The following TMEM63B variants were observed in gnomAD, a reference collection of about 807,000 sequenced individuals.
The protein encoded by TMEM63B is mechanosensitive cation channel TMEM63B.
Under a neutral mutation model 102.6 loss-of-function variants are expected in TMEM63B, and 23 were observed. The ratio of observed to expected loss-of-function variants is 0.22; its 90% CI spans 0.16 to 0.32. The LOEUF (loss-of-function observed/expected upper bound fraction) is 0.32. Among genes scored for constraint, TMEM63B ranks in the 10% least tolerant of loss-of-function variants. The pLI is 1.00. For synonymous variants in TMEM63B, 444 were observed against 437.0 expected, an observed-to-expected ratio of 1.02 and a Z score of -0.20; for missense variants, 628 against 1,095.9, an observed-to-expected ratio of 0.57 and a Z score of 6.03.
Position 44,152,576 on chromosome 6 carries a change from G to T in TMEM63B, c.1837-17G>T. On this transcript the variant is annotated splice_polypyrimidine_tract_variant and intron_variant, in intron 19 of 23. Coordinates refer to ENST00000323267, the MANE Select transcript of TMEM63B (RefSeq NM_018426.3). This position sits in a 1 kb window ranked among gnomAD's most constrained non-coding sequence, Gnocchi z 6.4. ...CCCTGCCTCCCTGAGCCATCCTCCTGCCCGTCTCCCCCCCAGCATCAGGCC... is the reference window on the plus strand; with the variant it reads ...CCCTGCCTCCCTGAGCCATCCTCCTTCCCGTCTCCCCCCCAGCATCAGGCC... 6.3e-7 allele frequency: 1 copy of T among 1,599,770 alleles called. No homozygotes were observed.
Position 44,152,183 on chromosome 6 carries a change from C to T in TMEM63B, c.1836+175C>T, listed in dbSNP as rs1456549575. Among the ~76,000 whole-genome samples the T allele has an allele frequency of 2.0e-5, 3 of 152,178 alleles. No individual in the cohort carries two copies. In the East Asian group the frequency reaches 5.8e-4, roughly 29 times the overall value. ...CCATATCTGGGGCCTTCGTATTCTGCCATGGGTGGACATAGGTAACCCTGA... is the reference window on the plus strand; with the variant it reads ...CCATATCTGGGGCCTTCGTATTCTGTCATGGGTGGACATAGGTAACCCTGA... On this transcript the variant is annotated intron_variant, in intron 19 of 23. Coordinates refer to ENST00000323267, the MANE Select transcript of TMEM63B (RefSeq NM_018426.3). The surrounding 1 kb of genome is among the most constrained non-coding windows in gnomAD (Gnocchi z 6.4).
At position 44,152,818 on chromosome 6, in the gene TMEM63B, C is replaced by T. The variant is rs1272410012; in HGVS notation, c.1942+120C>T. Reference sequence around the variant, plus strand: ...GGGCCCGGCTGGGAGACCGGCCCCTCGGGGCTCCCGCCCGGTCCCTGGCTC... The same window carrying T: ...GGGCCCGGCTGGGAGACCGGCCCCTTGGGGCTCCCGCCCGGTCCCTGGCTC... On this transcript the variant is annotated intron_variant, in intron 20 of 23. Coordinates refer to ENST00000323267, the MANE Select transcript of TMEM63B (RefSeq NM_018426.3). The surrounding 1 kb of genome is among the most constrained non-coding windows in gnomAD (Gnocchi z 6.4). 4 of 795,072 alleles carry T rather than the reference C, an allele frequency of 5.0e-6. No homozygotes were observed. Among genetic ancestry groups the T allele is most frequent in the East Asian group, 5.3e-5 (2 of 37,440 alleles). 49.3% of individuals were successfully genotyped at this position (795,072 alleles called of 1,614,324 possible).
chr6:44,140,150 G>A lies in TMEM63B; in HGVS notation c.603-102G>A, dbSNP rs544925398. ...TGCCAGAAGGCTGGTGGCAGTAGAG[G>A]GCCCTGTCTGTATCAAGGGTTTAAC... is the stretch of plus-strand genomic sequence containing the variant. On this transcript the variant is annotated intron_variant, in intron 8 of 23. Transcript: ENST00000323267. The A allele has an allele frequency of 3.0e-5, 27 of 895,696 alleles. 2 individuals carry two copies. In the South Asian group the frequency reaches 4.3e-4, roughly 14 times the overall value. 55.5% of individuals were successfully genotyped at this position (895,696 alleles called of 1,614,324 possible). A position where few individuals can be genotyped will look rare whatever the true frequency, so the allele number is the denominator to read the frequency against.
intron 4 of TMEM63B, among the ~76,000 whole-genome samples, chr6:44,136,039 C>G (rs1040664827): frequency 6.6e-6 from 1 of 152,190 alleles, no homozygotes; most frequent in Admixed American, 6.5e-5. Flanking sequence ...CCAGTCAACT[C>G]TGGAACTGCA....
chr6:44,134,917 C>T (rs1476884704), intron 2 of TMEM63B, 100 bp from the exon 3 acceptor site: 1 of 1,510,988 alleles, frequency 6.6e-7, no homozygotes. Context: ...CCAGGGTCAT[C>T]CCCTTCTAAG....
At chr6:44,144,403 A>C (rs556110165) in intron 10 of TMEM63B, among the ~76,000 whole-genome samples, 1 of 152,110 alleles carries the variant, frequency 6.6e-6, no homozygotes, top group Non-Finnish European at 1.5e-5. Flanking sequence ...TCACCCTTCC[A>C]AAGGGGAAAC....
At chr6:44,137,533 G>C (rs1763212352) in intron 5 of TMEM63B, among the ~76,000 whole-genome samples, 1 of 152,178 alleles carries the variant, frequency 6.6e-6, no homozygotes, top group Non-Finnish European at 1.5e-5. Context: ...CAGGTAGCAT[G>C]GTCCTGAATC....
intron 1 of TMEM63B, among the ~76,000 whole-genome samples, chr6:44,131,705 G>A (rs1778310847): frequency 6.6e-6 from 1 of 151,228 alleles, no homozygotes; most frequent in Admixed American, 6.6e-5. Context: ...GTGACAGAGC[G>A]AGACTCCGTC....
At chr6:44,136,015 G>GC (rs930413718) in intron 4 of TMEM63B, among the ~76,000 whole-genome samples, 1 of 151,908 alleles carries the variant, frequency 6.6e-6, no homozygotes, top group African/African-American at 2.4e-5. Flanking sequence ...TCCGTTGCCC[G>GC]CCCCCGGCCC....
chr6:44,153,558 C>T (rs936300185), intron 20 of TMEM63B, 118 bp from the exon 21 acceptor site: 8 of 1,232,486 alleles, frequency 6.5e-6, no homozygotes, highest in Middle Eastern at 2.8e-4. Flanking sequence ...TCCTGGGGCC[C>T]GGGCAGGAGG....
Position 44,152,129 on chromosome 6 carries a change from A to C in TMEM63B, c.1836+121A>C. 8.0e-7 allele frequency: 1 copy of C among 1,243,780 alleles called. No individual in the cohort carries two copies. Among genetic ancestry groups the C allele is most frequent in the Non-Finnish European group, 1.1e-6 (1 of 927,198 alleles). The allele number at this position is 1,243,780 out of a possible 1,614,324, so 77.0% of individuals were successfully genotyped here. ...GGCTGAGACTTGGGGAGTACAGTTG[A>C]CTCACGGTGGATCCGGGCCATCCCC... On this transcript the variant is annotated intron_variant, in intron 19 of 23. Transcript: ENST00000323267. This position sits in a 1 kb window ranked among gnomAD's most constrained non-coding sequence, Gnocchi z 6.4.
Position 44,147,372 on chromosome 6 carries a change from C to A in TMEM63B, c.864-5C>A, listed in dbSNP as rs777162609. ...TGTAGGTGACCAGGCATCTGGGTCC[C>A]ACAGGAAGAAGGCCGAGCGGGGAAA... On this transcript the variant is annotated splice_region_variant and splice_polypyrimidine_tract_variant and intron_variant, in intron 11 of 23. Transcript: ENST00000323267. The A allele has an allele frequency of 2.5e-6, 4 of 1,614,148 alleles. No homozygotes were observed. The highest frequency in any genetic ancestry group is 1.7e-6 in the Non-Finnish European group (2 of 1,180,018).
At chr6:44,142,042 A>C (rs1211029877) in intron 10 of TMEM63B, among the ~76,000 whole-genome samples, 4 of 151,930 alleles carry the variant, frequency 2.6e-5, no homozygotes, top group Non-Finnish European at 5.9e-5. Context: ...GGATCGCTTG[A>C]ACCCAGGAGG....
chr6:44,152,098 C>T lies in TMEM63B; in HGVS notation c.1836+90C>T. 2 of 1,442,962 alleles carry T rather than the reference C, an allele frequency of 1.4e-6. No homozygotes were observed. Among genetic ancestry groups the T allele is most frequent in the Non-Finnish European group, 1.8e-6 (2 of 1,087,856 alleles). The allele number at this position is 1,442,962 out of a possible 1,614,324, so 89.4% of individuals were successfully genotyped here. On this transcript the variant is annotated intron_variant, in intron 19 of 23. Coordinates refer to ENST00000323267, the MANE Select transcript of TMEM63B (RefSeq NM_018426.3). The surrounding 1 kb of genome is among the most constrained non-coding windows in gnomAD (Gnocchi z 6.4). ...GCCATCGCGCTAGGGTTGAGGGGCA[C>T]AGGAGGGCTGAGACTTGGGGAGTAC...
intron 2 of TMEM63B, 28 bp downstream of exon 2, chr6:44,134,771 T>C: frequency 5.6e-6 from 9 of 1,605,834 alleles, no homozygotes; most frequent in Non-Finnish European, 7.7e-6. Flanking sequence ...CCCCTTACCT[T>C]GGCATCCATG....
At chr6:44,136,256 T>G (rs1487733407) in intron 4 of TMEM63B, 93 bp from the exon 5 acceptor site, 9 of 1,015,278 alleles carry the variant, frequency 8.9e-6, no homozygotes, top group African/African-American at 3.2e-5. Flanking sequence ...CTTCTGTGCC[T>G]TCTGTAGCCC....
intron 10 of TMEM63B, among the ~76,000 whole-genome samples, chr6:44,146,210 T>G (rs1325893190): frequency 6.6e-6 from 1 of 152,176 alleles, no homozygotes; most frequent in Admixed American, 6.5e-5. Flanking sequence ...GCAATTTTTT[T>G]CAACCTAAAG....
In TMEM63B at chr6:44,147,504, T is replaced by A. The variant is rs201129205; in HGVS notation, c.987+4T>A. On this transcript the variant is annotated splice_donor_region_variant and intron_variant, in intron 12 of 23. Transcript: ENST00000323267. ...TGTGGTGCGAGGCTGTGAGCAGGTA[T>A]GACGCGGGCTGGCTGTTGAGTCGGG... 6 of 1,614,014 alleles carry A rather than the reference T, an allele frequency of 3.7e-6. No homozygotes were observed. The highest frequency in any genetic ancestry group is 4.2e-6 in the Non-Finnish European group (5 of 1,179,918).
chr6:44,144,230 T>C (rs900250189), intron 10 of TMEM63B, among the ~76,000 whole-genome samples: 1 of 152,230 alleles, frequency 6.6e-6, no homozygotes, highest in African/African-American at 2.4e-5. Flanking sequence ...GAGACAGCGC[T>C]TGAGCTCATT....
Sources: allele counts gnomAD v4.1 joint callset (sites outside exome capture counted in the v4.1 genomes callset), GRCh38; gene constraint gnomAD v4.1.1; non-coding constraint Gnocchi (gnomAD v3.1); transcripts MANE v1.5; gene names NCBI Gene and HGNC (gene_info 2026-07-23, HGNC 2026-07-21).